The following RELN variants were observed in gnomAD, a reference collection of about 807,000 sequenced individuals.
RELN encodes the protein reelin.
Under a neutral mutation model 427.6 loss-of-function variants are expected in RELN, and 108 were observed. The observed-to-expected ratio is 0.25, with a 90% CI of 0.22 to 0.30. RELN has a LOEUF of 0.30. Ranked by LOEUF, RELN falls within the 10% of genes least tolerant of loss-of-function variation. The pLI is 1.00. For synonymous variants in RELN, 1,524 were observed against 1,513.4 expected (o/e 1.01, Z -0.16); for missense variants, 3,715 against 4,302.8 (o/e 0.86, Z 3.82).
In RELN at chr7:103,557,056, T is replaced by C. The variant is rs1830539198; in HGVS notation, c.5718A>G (p.Ile1906Met). 1 of 1,613,764 alleles carries C rather than the reference T, an allele frequency of 6.2e-7. No individual in the cohort carries two copies. The highest frequency in any genetic ancestry group is 8.5e-7 in the Non-Finnish European group (1 of 1,179,602). ...ATGGCAAGGGAACATTGATGAAAAGTATATTCGTTGTTTGAGGAAAGTAAA... is the reference window on the plus strand; with the variant it reads ...ATGGCAAGGGAACATTGATGAAAAGCATATTCGTTGTTTGAGGAAAGTAAA... ...DEFYFPQTTNILFINVPLPYT... is the reference protein window; with the variant it reads ...DEFYFPQTTNMLFINVPLPYT... The change falls in exon 38 of 65, where the codon ATA becomes ATG. Residue 1906 changes from isoleucine (I) to methionine (M), a missense_variant. Ile to Met is a conservative substitution (Grantham distance 10). Around this residue, in one of 4 missense-constraint regions of RELN, gnomAD observed 2,208 missense variants for 2,361.7 expected, o/e 0.93. Transcript: ENST00000428762.
chr7:103,796,950 T>C (rs1322963575), intron 3 of RELN, among the ~76,000 whole-genome samples: 3 of 149,498 alleles, frequency 2.0e-5, no homozygotes, highest in Non-Finnish European at 4.5e-5. Context: ...TATGGAACCA[T>C]CCTTATATAC....
chr7:103,550,031 A>C (rs1261142142), intron 41 of RELN, among the ~76,000 whole-genome samples: 2 of 152,176 alleles, frequency 1.3e-5, no homozygotes, highest in African/African-American at 2.4e-5. Context: ...AGTAATGCTT[A>C]TTTTTAAAAA....
At chr7:103,653,726 A>G (rs1218914878) in intron 13 of RELN, among the ~76,000 whole-genome samples, 2 of 152,024 alleles carry the variant, frequency 1.3e-5, no homozygotes, top group East Asian at 3.9e-4. Flanking sequence ...AGTGTCTTCT[A>G]CCCAGGAGAT....
At chr7:103,660,122 A>T (rs1833106923) in intron 12 of RELN, among the ~76,000 whole-genome samples, 1 of 152,296 alleles carries the variant, frequency 6.6e-6, no homozygotes, top group African/African-American at 2.4e-5. Flanking sequence ...ATCACCAAAT[A>T]TGGTTAATTT....
chr7:103,949,393 AC>A (rs1456006238), intron 1 of RELN, among the ~76,000 whole-genome samples: 216 of 151,724 alleles, frequency 1.4e-3, no homozygotes, highest in South Asian at 2.3e-3. Context: ...AAAAAAAAAA[AC>A]AATCTTAATC....
intron 46 of RELN, among the ~76,000 whole-genome samples, chr7:103,525,115 T>C (rs553731494): frequency 3.5e-4 from 54 of 152,236 alleles, no homozygotes; most frequent in African/African-American, 1.2e-3. Flanking sequence ...TCTGTCTCTC[T>C]CTCTTCCTCT....
At position 103,557,124 on chromosome 7, in the gene RELN, A is replaced by C; in HGVS notation, c.5650T>G (p.Phe1884Val). The C allele has an allele frequency of 6.2e-7, 1 of 1,613,774 alleles. No homozygotes were observed. Among genetic ancestry groups the C allele is most frequent in the Non-Finnish European group, 8.5e-7 (1 of 1,179,628 alleles). Reference sequence around the variant, plus strand: ...CAAGTGATTCCTCCACTGATGGAGAATTGTAACAGAATAGAGTGAGATCTC... The same window carrying C: ...CAAGTGATTCCTCCACTGATGGAGACTTGTAACAGAATAGAGTGAGATCTC... ...PERSHSILLQ[F>V]SISGGITWHL... Residue 1884 changes from phenylalanine to valine, a missense_variant, in exon 38 of 65, where the codon TTC becomes GTC. By Grantham distance (50) the Phe-to-Val change is conservative. This residue lies in a region of RELN where 2,208 missense variants were observed against 2,361.7 expected (regional missense o/e 0.93). Coordinates refer to ENST00000428762, the MANE Select transcript of RELN (RefSeq NM_005045.4).
At chr7:103,687,545 C>T (rs1037032495) in intron 10 of RELN, among the ~76,000 whole-genome samples, 2 of 151,144 alleles carry the variant, frequency 1.3e-5, no homozygotes, top group African/African-American at 2.5e-5. Context: ...TTTGTAAACA[C>T]TATTTCCCTC....
At chr7:103,523,150 A>G (rs1829747544) in intron 47 of RELN, among the ~76,000 whole-genome samples, 1 of 152,242 alleles carries the variant, frequency 6.6e-6, no homozygotes, top group Non-Finnish European at 1.5e-5. Flanking sequence ...AGGAAATAAA[A>G]TATAGTTAAT....
intron 31 of RELN, among the ~76,000 whole-genome samples, chr7:103,566,970 C>T (rs1288120622): frequency 2.1e-5 from 2 of 94,344 alleles, no homozygotes; most frequent in African/African-American, 9.0e-5. Flanking sequence ...AAATGAAATA[C>T]ATAAGCTCTT....
At chr7:103,512,266 T>C (rs936581279) in intron 50 of RELN, among the ~76,000 whole-genome samples, 2 of 152,202 alleles carry the variant, frequency 1.3e-5, no homozygotes, top group African/African-American at 4.8e-5. Flanking sequence ...TAAAGGCTAA[T>C]TTTAAGTCCT....
chr7:103,650,340 G>C lies in RELN; in HGVS notation c.1936C>G (p.Arg646Gly), dbSNP rs115831287. The C allele has an allele frequency of 2.5e-6, 4 of 1,612,960 alleles. No individual in the cohort carries two copies. Among genetic ancestry groups the C allele is most frequent in the Non-Finnish European group, 3.4e-6 (4 of 1,179,318 alleles). Residue 646 changes from arginine (R) to glycine (G), a missense_variant, in exon 16 of 65, where the codon CGG becomes GGG. This residue lies in a region of RELN where 2,208 missense variants were observed against 2,361.7 expected (regional missense o/e 0.93). Coordinates refer to ENST00000428762, the MANE Select transcript of RELN (RefSeq NM_005045.4). ...TGTCTCCAGCGAATCCTGGTGTTCC[G>C]GGTTAGTGCTGCGTTAGGAAGGGGA... is the stretch of plus-strand genomic sequence containing the variant. ...TIPLPNAALT[R>G]NTRIRWRQTG...
chr7:103,885,338 C>CA (rs10650410), intron 2 of RELN, among the ~76,000 whole-genome samples: 6,448 of 142,078 alleles, frequency 0.045, 388 homozygotes, highest in African/African-American at 0.14. Context: ...GACTCCATCT[C>CA]AAAAAAAAAA....
At chr7:103,646,296 G>T (rs545056248) in intron 16 of RELN, among the ~76,000 whole-genome samples, 2 of 151,450 alleles carry the variant, frequency 1.3e-5, no homozygotes, top group South Asian at 4.2e-4. Context: ...ATGAAATAGA[G>T]ATCAAAAAAA....
At chr7:103,901,991 C>A (rs919665337) in intron 2 of RELN, among the ~76,000 whole-genome samples, 1 of 152,012 alleles carries the variant, frequency 6.6e-6, no homozygotes, top group African/African-American at 2.4e-5. Flanking sequence ...CCATGTGAGA[C>A]TTATTAATAT....
chr7:103,926,624 T>C (rs1443787001), intron 1 of RELN, among the ~76,000 whole-genome samples: 1 of 139,262 alleles, frequency 7.2e-6, no homozygotes, highest in African/African-American at 2.7e-5. Context: ...TAAAGTATCA[T>C]AAGTTTTTTT....
At chr7:103,515,120 A>G in intron 50 of RELN, 65 bp downstream of exon 50, 3 of 1,609,888 alleles carry the variant, frequency 1.9e-6, no homozygotes, top group Non-Finnish European at 2.5e-6. Flanking sequence ...GCTCTTTTGA[A>G]AAGACCCAAA....
At chr7:103,628,008 T>C (rs1343841458) in intron 20 of RELN, 1 of 152,232 alleles carries the variant, frequency 6.6e-6, no homozygotes, top group Admixed American at 6.5e-5. Flanking sequence ...ATAAACATGA[T>C]ACAGGACTTG....
In RELN at chr7:103,820,264, C is replaced by T. The variant is rs113484063; in HGVS notation, c.473+13273G>A. Among the ~76,000 whole-genome samples the T allele has an allele frequency of 3.4e-3, 519 of 152,000 alleles. 4 individuals are homozygous for T. The highest frequency in any genetic ancestry group is 0.012 in the African/African-American group (503 of 41,528). ...CATTTTAACACCAGAAAATCATCAA[C>T]GCCATAGTTGGTATGATACTTAAAA... On this transcript the variant is annotated intron_variant, in intron 3 of 64. Transcript: ENST00000428762.
Sources: gnomAD v4.1 joint callset for allele counts (sites outside exome capture counted in the v4.1 genomes callset) on GRCh38, gnomAD v4.1.1 for gene constraint, gnomAD v4.1.1 regional missense constraint, MANE v1.5 for transcripts, NCBI Gene and HGNC (gene_info 2026-07-23, HGNC 2026-07-21) for gene names.